LRRC37B: variants seen among roughly 807,000 people sequenced by gnomAD.
The protein encoded by LRRC37B is leucine rich repeat containing 37B, also known as leucine-rich repeat-containing protein 37B.
A neutral mutation model predicts 98.3 loss-of-function variants in LRRC37B; 28 were observed. The observed-to-expected ratio is 0.28, with a 90% CI of 0.21 to 0.39. LRRC37B has a LOEUF of 0.39. Ranked by LOEUF, LRRC37B falls within the 10% of genes least tolerant of loss-of-function variation. The pLI is 1.00. For missense variants in LRRC37B, 938 were observed against 1,182.7 expected (o/e 0.79, Z 3.03); for synonymous variants, 364 against 442.7 (o/e 0.82, Z 2.23).
intron 7 of LRRC37B, among the ~76,000 whole-genome samples, chr17:32,043,275 G>T (rs950168435): frequency 5.3e-5 from 8 of 152,242 alleles, no homozygotes; most frequent in Non-Finnish European, 8.8e-5. Flanking sequence ...GGCAGGAAGA[G>T]AATAACAAAA....
chr17:32,019,994 C>T (rs1910725696), upstream of LRRC37B, among the ~76,000 whole-genome samples: 1 of 152,088 alleles, frequency 6.6e-6, no homozygotes, highest in Admixed American at 6.5e-5. Context: ...TACAGGCATG[C>T]ACCACCACGC....
At chr17:32,011,688 G>A (rs1466797364) in intron 1 of LRRC37B, among the ~76,000 whole-genome samples, 1 of 151,642 alleles carries the variant, frequency 6.6e-6, no homozygotes, top group Non-Finnish European at 1.5e-5. Context: ...GTAGAGATGG[G>A]GTTTCACCAT....
chr17:32,035,192 C>T (rs1411556640), intron 6 of LRRC37B, among the ~76,000 whole-genome samples: 1 of 151,734 alleles, frequency 6.6e-6, no homozygotes, highest in Non-Finnish European at 1.5e-5. Flanking sequence ...TTGAAGAAGC[C>T]GTATAGATTT....
At chr17:32,034,512 A>G (rs1911189751) in intron 5 of LRRC37B, among the ~76,000 whole-genome samples, 2 of 151,688 alleles carry the variant, frequency 1.3e-5, no homozygotes, top group African/African-American at 4.8e-5. Context: ...TCCAAAAAAA[A>G]AAAAAAAAAA....
upstream of LRRC37B, chr17:32,017,182 C>G (rs1422090349): frequency 6.6e-6 from 1 of 152,160 alleles, no homozygotes; most frequent in African/African-American, 2.4e-5. Flanking sequence ...GTCTGTAGAG[C>G]ATGTGGGCCA....
chr17:32,021,148 T>C (rs144648249), exon 1 of LRRC37B: 453 of 1,613,902 alleles, frequency 2.8e-4, no homozygotes, highest in Non-Finnish European at 3.6e-4. Context: ...GCGTGTGTCA[T>C]GTCTTGGCTG....
At chr17:32,020,971 G>A (rs891800741), upstream of LRRC37B, 41 of 1,476,814 alleles carry the variant, frequency 2.8e-5, no homozygotes, top group African/African-American at 5.6e-5. Flanking sequence ...GCGCTTGGGC[G>A]GGATTGTGAC....
chr17:32,041,680 C>T (rs1911440174), intron 7 of LRRC37B: 2 of 458,786 alleles, frequency 4.4e-6, no homozygotes, highest in Admixed American at 2.3e-5. Context: ...CAGCAGGGAG[C>T]CACACTTGGG....
rs1910479022 is a variant in LRRC37B at position 32,009,341 on chromosome 17, A to C, written c.-191+1209A>C. ...CAGTGGCACAGTCACCACTCACTGCAGCCTCCACCTTCTGGGCTCAAGCCA... is the reference window on the plus strand; with the variant it reads ...CAGTGGCACAGTCACCACTCACTGCCGCCTCCACCTTCTGGGCTCAAGCCA... On this transcript the variant is annotated intron_variant, in intron 1 of 14. Transcript: ENST00000543378. Among the ~76,000 whole-genome samples, 4 of 151,878 alleles carry C rather than the reference A, an allele frequency of 2.6e-5. No individual in the cohort carries two copies. In the South Asian group the frequency reaches 8.3e-4, roughly 32 times the overall value.
At chr17:32,048,428 T>C (rs1911649593) in intron 9 of LRRC37B, among the ~76,000 whole-genome samples, 1 of 150,020 alleles carries the variant, frequency 6.7e-6, no homozygotes, top group African/African-American at 2.5e-5. Context: ...CAAGCCTTCA[T>C]TCACCCAAGA....
At chr17:32,015,810 T>C (rs2142236959) in intron 1 of LRRC37B, among the ~76,000 whole-genome samples, 1 of 152,292 alleles carries the variant, frequency 6.6e-6, no homozygotes, top group African/African-American at 2.4e-5. Context: ...AGTCAACAAA[T>C]GAGCCAGGGG....
At chr17:32,019,082 A>G (rs1029998328), upstream of LRRC37B, among the ~76,000 whole-genome samples, 18 of 152,144 alleles carry the variant, frequency 1.2e-4, no homozygotes, top group African/African-American at 4.3e-4. Context: ...ACGCACCACC[A>G]TACTCAGCTG....
At chr17:32,009,189 A>G (rs1910474974) in intron 1 of LRRC37B, among the ~76,000 whole-genome samples, 1 of 151,968 alleles carries the variant, frequency 6.6e-6, no homozygotes, top group South Asian at 2.1e-4. Context: ...CCTAATGACT[A>G]ATGGTTCTGA....
At chr17:32,035,902 A>G (rs752100733) in intron 7 of LRRC37B, 23 of 324,662 alleles carry the variant, frequency 7.1e-5, no homozygotes, top group Non-Finnish European at 1.1e-4. Flanking sequence ...CCTGTTAGCT[A>G]CTAATCTGAT....
exon 1 of LRRC37B, chr17:32,021,049 T>A: frequency 6.2e-7 from 1 of 1,602,520 alleles, no homozygotes; most frequent in Non-Finnish European, 8.5e-7. Flanking sequence ...TAAATAAAGG[T>A]GTCATAAAGA....
exon 1 of LRRC37B, chr17:32,021,528 G>A (rs1217636777): frequency 6.2e-7 from 1 of 1,613,994 alleles, no homozygotes. Flanking sequence ...GCGGACTCCA[G>A]AAGAAAGGCT....
At chr17:32,052,537 G>T (rs536624504) in intron 11 of LRRC37B, 2 of 152,264 alleles carry the variant, frequency 1.3e-5, no homozygotes, top group African/African-American at 4.8e-5. Context: ...GATACAGTCA[G>T]CCCTCTTCAT....
chr17:32,007,941 A>G (rs1423736164), upstream of LRRC37B: 2 of 567,552 alleles, frequency 3.5e-6, no homozygotes, highest in Non-Finnish European at 5.3e-6. This position sits in a 1 kb window ranked among gnomAD's most constrained non-coding sequence, Gnocchi z 4.1. Context: ...AGAGTGGTGT[A>G]TGATGACTAC....
At chr17:32,029,730 T>A (rs925846479) in intron 3 of LRRC37B, among the ~76,000 whole-genome samples, 5 of 152,200 alleles carry the variant, frequency 3.3e-5, no homozygotes, top group Admixed American at 2.6e-4. Flanking sequence ...GAGCCAGATC[T>A]TCCAGGGCTT....
Sources: allele counts gnomAD v4.1 joint callset (sites outside exome capture counted in the v4.1 genomes callset), GRCh38; gene constraint gnomAD v4.1.1; non-coding constraint Gnocchi (gnomAD v3.1); transcripts MANE v1.5; gene names NCBI Gene and HGNC (gene_info 2026-07-23, HGNC 2026-07-21).